SIRPG: variants seen among roughly 807,000 people sequenced by gnomAD.
The protein encoded by SIRPG is signal regulatory protein gamma, also known as signal-regulatory protein gamma.
A neutral mutation model predicts 35.7 loss-of-function variants in SIRPG; 38 were observed. The observed-to-expected ratio is 1.06, with a 90% CI of 0.82 to 1.40. The LOEUF (loss-of-function observed/expected upper bound fraction) is 1.40, where lower values mean the gene tolerates loss of function less well. Ranked by LOEUF, SIRPG falls within the 40% of genes most tolerant of loss-of-function variation. SIRPG has a pLI of 0.00. For synonymous variants in SIRPG, 215 were observed against 190.4 expected (o/e 1.13, Z -1.06); for missense variants, 519 against 483.0 (o/e 1.07, Z -0.70).
At chr20:1,660,028 C>A (rs2091992091), upstream of SIRPG, among the ~76,000 whole-genome samples, 1 of 152,074 alleles carries the variant, frequency 6.6e-6, no homozygotes, top group Non-Finnish European at 1.5e-5. Context: ...TATGAAAAAA[C>A]AAAATGTGTA....
chr20:1,686,013 C>A, the SIRPG span, among the ~76,000 whole-genome samples: 2 of 152,020 alleles, frequency 1.3e-5, no homozygotes, highest in Admixed American at 6.5e-5. Flanking sequence ...ACCTACTGCT[C>A]AATATTTGAC....
the SIRPG span, among the ~76,000 whole-genome samples, chr20:1,663,062 C>T: frequency 6.6e-6 from 1 of 152,026 alleles, no homozygotes; most frequent in Non-Finnish European, 1.5e-5. Flanking sequence ...GCCTGTAATC[C>T]CAGCACGTTG....
chr20:1,684,421 T>C, the SIRPG span, among the ~76,000 whole-genome samples: 5,362 of 152,256 alleles, frequency 0.035, 317 homozygotes, highest in African/African-American at 0.12. Context: ...TGTATACATA[T>C]ATACACATGC....
chr20:1,634,914 G>T lies in SIRPG; in HGVS notation c.1081+353C>A, dbSNP rs567176565. Reference sequence around the variant, plus strand: ...AAAAATTAGTCGGGCGTGGTGGCGGGCGCCTGTAGTCCCAGCTACTCGGGA... The same window carrying T: ...AAAAATTAGTCGGGCGTGGTGGCGGTCGCCTGTAGTCCCAGCTACTCGGGA... On this transcript the variant is annotated intron_variant, in intron 4 of 5. Coordinates refer to ENST00000303415, the MANE Select transcript of SIRPG (RefSeq NM_018556.4). Among the ~76,000 whole-genome samples the T allele has an allele frequency of 2.0e-3, 310 of 151,708 alleles. 5 individuals are homozygous for T. The highest frequency in any genetic ancestry group is 0.016 in the Admixed American group (239 of 15,242).
chr20:1,646,907 A>C (rs1303270576), intron 2 of SIRPG: 1 of 152,344 alleles, frequency 6.6e-6, no homozygotes, highest in Non-Finnish European at 1.5e-5. Flanking sequence ...TCGGCCTCCC[A>C]AAGTGCTGGG....
the SIRPG span, among the ~76,000 whole-genome samples, chr20:1,674,933 G>A: frequency 6.6e-6 from 1 of 152,152 alleles, no homozygotes; most frequent in Non-Finnish European, 1.5e-5. Flanking sequence ...TGTCCCAGTG[G>A]GCACTTCCTG....
intron 2 of SIRPG, among the ~76,000 whole-genome samples, chr20:1,639,642 A>T (rs1221760671): frequency 6.6e-6 from 1 of 152,188 alleles, no homozygotes; most frequent in Non-Finnish European, 1.5e-5. Flanking sequence ...ACCATTTGTC[A>T]ACTTTCACTT....
Position 1,629,595 on chromosome 20 carries a change from G to A in SIRPG, c.*44C>T, listed in dbSNP as rs928542361. The A allele has an allele frequency of 5.9e-5, 9 of 152,504 alleles. No individual in the cohort carries two copies. The highest frequency in any genetic ancestry group is 2.2e-4 in the African/African-American group (9 of 41,438). 9.4% of individuals were successfully genotyped at this position (152,504 alleles called of 1,614,324 possible). A position where few individuals can be genotyped will look rare whatever the true frequency, so the allele number is the denominator to read the frequency against. On this transcript the variant is annotated 3_prime_UTR_variant, in exon 6 of 6. Coordinates refer to ENST00000303415, the MANE Select transcript of SIRPG (RefSeq NM_018556.4). ...AGCCTCTCAGGAAAGGAAGGAGGCAGCAGAGATGAGGGTCCCACGTGGCAG... is the reference window on the plus strand; with the variant it reads ...AGCCTCTCAGGAAAGGAAGGAGGCAACAGAGATGAGGGTCCCACGTGGCAG...
At position 1,635,687 on chromosome 20, in the gene SIRPG, G is replaced by A. The variant is rs1735768067; in HGVS notation, c.749-88C>T. On this transcript the variant is annotated intron_variant, in intron 3 of 5. Coordinates refer to ENST00000303415, the MANE Select transcript of SIRPG (RefSeq NM_018556.4). ...ATAACTTAACTCCCACTACCACGGTGAGGGCATCACCAGGACAGTGCTAGG... is the reference window on the plus strand; with the variant it reads ...ATAACTTAACTCCCACTACCACGGTAAGGGCATCACCAGGACAGTGCTAGG... The A allele has an allele frequency of 2.2e-6, 3 of 1,376,186 alleles. No homozygotes were observed. In the South Asian group the frequency reaches 3.9e-5, roughly 18 times the overall value. The allele number at this position is 1,376,186 out of a possible 1,614,324, so 85.2% of individuals were successfully genotyped here.
chr20:1,632,428 C>T (rs1334761227), intron 4 of SIRPG, among the ~76,000 whole-genome samples: 1 of 152,128 alleles, frequency 6.6e-6, no homozygotes, highest in Non-Finnish European at 1.5e-5. Context: ...TTGCATTTTA[C>T]CTGCCAGCCT....
At chr20:1,652,958 C>T (rs2091950780) in intron 1 of SIRPG, among the ~76,000 whole-genome samples, 2 of 152,260 alleles carry the variant, frequency 1.3e-5, no homozygotes, top group East Asian at 1.9e-4. Flanking sequence ...GGGACATTTC[C>T]CTCGAAGACT....
At chr20:1,649,796 CAGGTTA>C in intron 1 of SIRPG, among the ~76,000 whole-genome samples, 1 of 150,056 alleles carries the variant, frequency 6.7e-6, no homozygotes, top group Admixed American at 6.6e-5. Flanking sequence ...ACCACCATGC[CAGGTTA>C]AGCTTTGTAT....
chr20:1,677,012 C>T, the SIRPG span: 1 of 152,420 alleles, frequency 6.6e-6, no homozygotes. Flanking sequence ...CAGCACATTG[C>T]ATATATTATC....
At chr20:1,676,538 C>T in the SIRPG span, 1 of 152,342 alleles carries the variant, frequency 6.6e-6, no homozygotes, top group Non-Finnish European at 1.5e-5. Context: ...TTTCCAATCA[C>T]CAATGGGCTT....
chr20:1,631,085 C>T (rs552620915), intron 4 of SIRPG, among the ~76,000 whole-genome samples: 105 of 152,264 alleles, frequency 6.9e-4, no homozygotes, highest in African/African-American at 2.2e-3. Context: ...CATGTTTGGA[C>T]GCTGCATTTT....
chr20:1,635,689 G>T, intron 3 of SIRPG, 90 bp from the exon 4 acceptor site: 1 of 1,359,020 alleles, frequency 7.4e-7, no homozygotes, highest in East Asian at 2.3e-5. Flanking sequence ...ACCACGGTGA[G>T]GGCATCACCA....
chr20:1,649,289 G>C lies in SIRPG; in HGVS notation c.193C>G (p.Leu65Val). 6.2e-7 allele frequency: 1 copy of C among 1,614,122 alleles called. No individual in the cohort carries two copies. Among genetic ancestry groups the C allele is most frequent in the Non-Finnish European group, 8.5e-7 (1 of 1,180,018 alleles). ...VTSLLPVGPV[L>V]WFRGVGPGRE... ...CCTGGTCCAACTCCTCTGAACCACA[G>C]GACGGGTCCCACGGGAAGCAGGGAG... The change falls in exon 2 of 6, where the codon CTG (leucine) becomes GTG (valine). Residue 65 changes from leucine to valine, a missense_variant. By Grantham distance (32) the Leu-to-Val change is conservative (BLOSUM62 1). Coordinates refer to ENST00000303415, the MANE Select transcript of SIRPG (RefSeq NM_018556.4).
chr20:1,650,188 A>G (rs2091932052), intron 1 of SIRPG, among the ~76,000 whole-genome samples: 1 of 151,518 alleles, frequency 6.6e-6, no homozygotes, highest in Non-Finnish European at 1.5e-5. Flanking sequence ...CTATCACTCT[A>G]ATGTCTTGCT....
intron 2 of SIRPG, 77 bp from the exon 3 acceptor site, chr20:1,636,582 G>A (rs1406784895): frequency 2.1e-6 from 3 of 1,411,728 alleles, no homozygotes; most frequent in African/African-American, 2.8e-5. Context: ...ACACTGTTAA[G>A]AACCTTCAGA....
Sources: gnomAD v4.1 joint callset for allele counts (sites outside exome capture counted in the v4.1 genomes callset) on GRCh38, gnomAD v4.1.1 for gene constraint, MANE v1.5 for transcripts, NCBI Gene and HGNC (gene_info 2026-07-23, HGNC 2026-07-21) for gene names.